FGGY: variants seen among roughly 807,000 people sequenced by gnomAD.
The protein encoded by FGGY is FGGY carbohydrate kinase domain-containing protein.
FGGY carries 72 observed loss-of-function variants against 71.3 expected under a neutral mutation model. The ratio of observed to expected loss-of-function variants is 1.01; its 90% CI spans 0.84 to 1.23. The LOEUF is 1.23. FGGY is among the 50% of genes most tolerant of loss of function. FGGY has a pLI of 0.00. For synonymous variants in FGGY, 251 were observed against 250.3 expected (o/e 1.00, Z -0.02); for missense variants, 668 against 682.3 (o/e 0.98, Z 0.23).
intron 6 of FGGY, among the ~76,000 whole-genome samples, chr1:59,497,330 A>G (rs7545366): frequency 0.51 from 76,921 of 152,120 alleles, 19,979 homozygotes; most frequent in African/African-American, 0.62. Context: ...GCTCATGCCT[A>G]TAATCCCAGC....
At chr1:59,412,845 G>A (rs1221038931) in intron 5 of FGGY, among the ~76,000 whole-genome samples, 1 of 152,132 alleles carries the variant, frequency 6.6e-6, no homozygotes, top group African/African-American at 2.4e-5. Flanking sequence ...CGTGGGGCCT[G>A]GCATTGGGAT....
At chr1:59,359,836 G>C (rs1465826650) in intron 4 of FGGY, among the ~76,000 whole-genome samples, 1 of 152,148 alleles carries the variant, frequency 6.6e-6, no homozygotes, top group Non-Finnish European at 1.5e-5. Flanking sequence ...TAATCTGAAT[G>C]ATCAGTGTCT....
intron 7 of FGGY, among the ~76,000 whole-genome samples, chr1:59,523,836 GA>G (rs1217257867): frequency 1.3e-5 from 2 of 152,208 alleles, no homozygotes; most frequent in African/African-American, 4.8e-5. Context: ...TTTGCCCTTG[GA>G]AGTCATCTGA....
At chr1:59,593,839 C>T (rs551568934) in intron 8 of FGGY, among the ~76,000 whole-genome samples, 3 of 152,234 alleles carry the variant, frequency 2.0e-5, no homozygotes, top group South Asian at 2.1e-4. Context: ...GAATGTTTGC[C>T]GAAGGGTCAT....
chr1:59,537,456 C>A (rs1406867217), intron 7 of FGGY, among the ~76,000 whole-genome samples: 2 of 151,752 alleles, frequency 1.3e-5, no homozygotes, highest in Non-Finnish European at 2.9e-5. Context: ...CCATCCCCAT[C>A]AAGCTACCAA....
chr1:59,398,718 T>G (rs2061602675), intron 5 of FGGY, among the ~76,000 whole-genome samples: 1 of 152,168 alleles, frequency 6.6e-6, no homozygotes, highest in African/African-American at 2.4e-5. Context: ...TTTTTCAGAA[T>G]GAGAAAATCT....
intron 14 of FGGY, among the ~76,000 whole-genome samples, chr1:59,689,942 G>T (rs574062051): frequency 6.6e-6 from 1 of 152,240 alleles, no homozygotes. Context: ...TAGAGTTGAC[G>T]GCAGTGAAAT....
chr1:59,714,644 A>G (rs1382591114), intron 14 of FGGY, among the ~76,000 whole-genome samples: 1 of 152,220 alleles, frequency 6.6e-6, no homozygotes, highest in East Asian at 1.9e-4. Context: ...CTTCTCAGCT[A>G]CAGTACCAGA....
At chr1:59,587,332 C>G (rs1210618434) in intron 8 of FGGY, among the ~76,000 whole-genome samples, 2 of 152,074 alleles carry the variant, frequency 1.3e-5, no homozygotes, top group African/African-American at 4.8e-5. Context: ...TCAAGGAGGC[C>G]TGCCTGCCTC....
At chr1:59,758,973 C>G (rs1433256676) in intron 15 of FGGY, among the ~76,000 whole-genome samples, 1 of 152,114 alleles carries the variant, frequency 6.6e-6, no homozygotes, top group Non-Finnish European at 1.5e-5. Flanking sequence ...GGATCCAGTA[C>G]AGGGGGCTCA....
intron 14 of FGGY, among the ~76,000 whole-genome samples, chr1:59,731,159 A>G (rs977133438): frequency 2.0e-5 from 3 of 152,220 alleles, no homozygotes; most frequent in African/African-American, 7.2e-5. Context: ...AATTTGCTCT[A>G]TTGTTGTTCA....
At chr1:59,679,798 G>A (rs1038178070) in intron 14 of FGGY, among the ~76,000 whole-genome samples, 4 of 151,536 alleles carry the variant, frequency 2.6e-5, no homozygotes, top group African/African-American at 9.7e-5. Flanking sequence ...TATCATTTTT[G>A]TAGGCTGCAT....
chr1:59,615,188 C>G (rs1217993188), intron 9 of FGGY, among the ~76,000 whole-genome samples: 1 of 152,160 alleles, frequency 6.6e-6, no homozygotes, highest in Non-Finnish European at 1.5e-5. Context: ...GCCCATATTG[C>G]CAAGTCAATC....
rs2094214619 is a variant in FGGY at position 59,501,284 on chromosome 1, T to C, written c.671-11027T>C. On this transcript the variant is annotated intron_variant, in intron 6 of 15. Coordinates refer to ENST00000303721, the MANE Select transcript of FGGY (RefSeq NM_018291.5). The stretch of plus-strand genomic sequence containing the variant: ...TTATTTTGAGATCCTCTGCTTCCTA[T>C]GTTTTTAGTGATACAATTTTGTGTC... 2.6e-5 allele frequency among the ~76,000 whole-genome samples: 4 copies of C among 152,226 alleles called. No individual in the cohort carries two copies. The South Asian group carries it at 8.3e-4, about 31-fold the overall frequency.
intron 14 of FGGY, among the ~76,000 whole-genome samples, chr1:59,731,442 T>G (rs1440039474): frequency 6.6e-6 from 1 of 152,088 alleles, no homozygotes; most frequent in African/African-American, 2.4e-5. Context: ...TGAACCGAGA[T>G]GAAGGAAGCT....
intron 6 of FGGY, among the ~76,000 whole-genome samples, chr1:59,493,462 G>A (rs755754125): frequency 2.6e-5 from 4 of 152,110 alleles, no homozygotes; most frequent in African/African-American, 9.7e-5. Context: ...CATTAAAAAG[G>A]GAGGGAATTA....
At chr1:59,529,287 T>A (rs941540278) in intron 7 of FGGY, among the ~76,000 whole-genome samples, 3 of 152,182 alleles carry the variant, frequency 2.0e-5, no homozygotes, top group Admixed American at 1.3e-4. Flanking sequence ...TACTAATATT[T>A]ATTGAGGGAC....
chr1:59,611,930 T>A (rs1467603929), intron 9 of FGGY, among the ~76,000 whole-genome samples: 10 of 152,086 alleles, frequency 6.6e-5, no homozygotes, highest in Non-Finnish European at 5.9e-5. Flanking sequence ...GAAATGAAGC[T>A]ACAAGAGAAG....
chr1:59,641,078 A>G (rs1049352263), intron 11 of FGGY, among the ~76,000 whole-genome samples: 1 of 150,868 alleles, frequency 6.6e-6, no homozygotes, highest in Admixed American at 6.6e-5. Flanking sequence ...TCCAGACAGG[A>G]AGTAACATTG....
Sources: gnomAD v4.1 joint callset for allele counts (sites outside exome capture counted in the v4.1 genomes callset) on GRCh38, gnomAD v4.1.1 for gene constraint, MANE v1.5 for transcripts, NCBI Gene and HGNC (gene_info 2026-07-23, HGNC 2026-07-21) for gene names.